The following MTREX variants were observed in gnomAD, a reference collection of about 807,000 sequenced individuals.
MTREX encodes exosome RNA helicase MTR4.
Under a neutral mutation model 135.4 loss-of-function variants are expected in MTREX, and 76 were observed. That is an observed-to-expected ratio of 0.56 (90% CI 0.47 to 0.68). The LOEUF (loss-of-function observed/expected upper bound fraction) is 0.68. Among genes scored for constraint, MTREX ranks in the 30% least tolerant of loss-of-function variants. MTREX has a pLI of 0.00. For synonymous variants in MTREX, 404 were observed against 401.6 expected (o/e 1.01, Z -0.07); for missense variants, 920 against 1,262.1 (o/e 0.73, Z 4.11).
Position 55,366,720 on chromosome 5 carries a change from C to A in MTREX, c.1660-5C>A. The A allele has an allele frequency of 6.4e-7, 1 of 1,557,394 alleles. No homozygotes were observed. Among genetic ancestry groups the A allele is most frequent in the Admixed American group, 2.0e-5 (1 of 50,644 alleles). On this transcript the variant is annotated splice_region_variant and splice_polypyrimidine_tract_variant and intron_variant, in intron 15 of 26. Coordinates refer to ENST00000230640, the MANE Select transcript of MTREX (RefSeq NM_015360.5). Reference sequence around the variant, plus strand: ...TACAAAATTGACATTTTTTTTCTCTCTTAGGGCTCCGCTGATCCTCTAAAT... The same window carrying A: ...TACAAAATTGACATTTTTTTTCTCTATTAGGGCTCCGCTGATCCTCTAAAT...
rs187264954 is a variant in MTREX, at chr5:55,341,026, C to G, written c.691-655C>G. 2.6e-5 allele frequency among the ~76,000 whole-genome samples: 4 copies of G among 152,234 alleles called. No homozygotes were observed. The East Asian group carries it at 7.7e-4, about 29-fold the overall frequency. On this transcript the variant is annotated intron_variant, in intron 6 of 26. Coordinates refer to ENST00000230640, the MANE Select transcript of MTREX (RefSeq NM_015360.5). ...ATTTTTGTACATACTTTAATTATAT[C>G]TTTGCATTTAACCCCAAGGATATGG...
At chr5:55,329,374 A>C (rs893416939) in intron 5 of MTREX, 1 of 151,950 alleles carries the variant, frequency 6.6e-6, no homozygotes, top group Non-Finnish European at 1.5e-5. Context: ...CAGAGTCTCA[A>C]ACTTAAATAG....
intron 3 of MTREX, among the ~76,000 whole-genome samples, chr5:55,324,910 C>T (rs770456459): frequency 1.3e-5 from 2 of 152,134 alleles, no homozygotes; most frequent in African/African-American, 4.8e-5. Flanking sequence ...AGCATTCATA[C>T]TCCTAAAGTT....
rs745895221 is a variant in MTREX at position 55,350,899 on chromosome 5, G to A, written c.1321-20G>A. Reference sequence around the variant, plus strand: ...CTTTTCTCACATCATTATAAAATCAGTGTTATTCCAAAATCACAGGTAGAA... The same window carrying A: ...CTTTTCTCACATCATTATAAAATCAATGTTATTCCAAAATCACAGGTAGAA... On this transcript the variant is annotated intron_variant, in intron 12 of 26. Coordinates refer to ENST00000230640, the MANE Select transcript of MTREX (RefSeq NM_015360.5). 3.9e-6 allele frequency: 6 copies of A among 1,541,276 alleles called. No individual in the cohort carries two copies. The highest frequency in any genetic ancestry group is 1.2e-5 in the South Asian group (1 of 82,290).
chr5:55,399,622 G>A (rs997475237), intron 20 of MTREX, among the ~76,000 whole-genome samples: 12 of 151,968 alleles, frequency 7.9e-5, no homozygotes, highest in Non-Finnish European at 2.9e-5. Context: ...CTAGTAGCTG[G>A]GACTACAGGC....
intron 19 of MTREX, among the ~76,000 whole-genome samples, chr5:55,391,187 T>A (rs966789297): frequency 1.3e-5 from 2 of 152,126 alleles, no homozygotes; most frequent in Non-Finnish European, 2.9e-5. Flanking sequence ...ATGCTTATAA[T>A]CCCAGCACTT....
chr5:55,385,070 T>C (rs1750455831), intron 18 of MTREX, among the ~76,000 whole-genome samples: 1 of 152,176 alleles, frequency 6.6e-6, no homozygotes, highest in South Asian at 2.1e-4. Flanking sequence ...ATCTGGTCCT[T>C]TGGGAAGATA....
chr5:55,389,587 T>C (rs1750532439), intron 19 of MTREX, among the ~76,000 whole-genome samples: 1 of 152,200 alleles, frequency 6.6e-6, no homozygotes, highest in African/African-American at 2.4e-5. Context: ...TCAAAACTGC[T>C]CAGGGTGGGT....
At chr5:55,423,049 G>A in intron 26 of MTREX, 67 bp downstream of exon 26, 1 of 1,194,312 alleles carries the variant, frequency 8.4e-7, no homozygotes, top group Non-Finnish European at 1.2e-6. Flanking sequence ...TTGAGCCCTG[G>A]ACCACAACCT....
Position 55,425,036 on chromosome 5 carries a change from C to T in MTREX, c.*264C>T, listed in dbSNP as rs1751134316. On this transcript the variant is annotated 3_prime_UTR_variant, in exon 27 of 27. Coordinates refer to ENST00000230640, the MANE Select transcript of MTREX (RefSeq NM_015360.5). ...AATGAGTTTAGAGCTATTAGATAAC[C>T]ACTGAGTTAAAGGTAACTATGTACA... 24 of 912,620 alleles carry T rather than the reference C, an allele frequency of 2.6e-5. No individual in the cohort carries two copies. In the South Asian group the frequency reaches 3.9e-4, roughly 15 times the overall value. The allele number at this position is 912,620 out of a possible 1,614,324, so 56.5% of individuals were successfully genotyped here. A position where few individuals can be genotyped will look rare whatever the true frequency, so the allele number is the denominator to read the frequency against.
chr5:55,394,716 C>A (rs802847), intron 19 of MTREX, among the ~76,000 whole-genome samples: 130,769 of 152,082 alleles, frequency 0.86, 56,609 homozygotes, highest in South Asian at 0.92. Context: ...CCTGAATTAG[C>A]CAGTTTGGAA....
intron 24 of MTREX, 86 bp downstream of exon 24, chr5:55,414,324 T>C (rs1750933605): frequency 3.7e-6 from 4 of 1,069,188 alleles, no homozygotes; most frequent in Non-Finnish European, 5.2e-6. Flanking sequence ...CTAATCATAG[T>C]AGTTTATCAT....
intron 1 of MTREX, among the ~76,000 whole-genome samples, chr5:55,313,555 A>G (rs919498937): frequency 2.6e-5 from 4 of 152,218 alleles, no homozygotes; most frequent in Non-Finnish European, 4.4e-5. Context: ...ATTGAATGCA[A>G]TTGTGGTTCT....
chr5:55,340,667 C>T (rs916818433), intron 6 of MTREX, among the ~76,000 whole-genome samples: 1 of 152,066 alleles, frequency 6.6e-6, no homozygotes, highest in African/African-American at 2.4e-5. Context: ...CTGCAAGCTC[C>T]GCCTCCTGGG....
chr5:55,318,947 A>G (rs1311434965), intron 1 of MTREX, among the ~76,000 whole-genome samples: 12 of 152,160 alleles, frequency 7.9e-5, no homozygotes, highest in Non-Finnish European at 1.3e-4. Flanking sequence ...GAGAAAATAT[A>G]TAAGAATGGC....
At chr5:55,337,032 C>G (rs1749565489) in intron 5 of MTREX, among the ~76,000 whole-genome samples, 1 of 152,168 alleles carries the variant, frequency 6.6e-6, no homozygotes, top group African/African-American at 2.4e-5. Flanking sequence ...GCCATTTAAG[C>G]CTAGGCATTT....
At chr5:55,395,502 A>G (rs572229566) in intron 19 of MTREX, among the ~76,000 whole-genome samples, 6 of 152,346 alleles carry the variant, frequency 3.9e-5, no homozygotes, top group Admixed American at 6.5e-5. Context: ...TCATCCGTGG[A>G]TGCTGAAACT....
At chr5:55,341,937 T>G (rs906265899) in intron 7 of MTREX, among the ~76,000 whole-genome samples, 166 bp downstream of exon 7, 1 of 151,940 alleles carries the variant, frequency 6.6e-6, no homozygotes, top group African/African-American at 2.4e-5. Flanking sequence ...AAACAGAGTT[T>G]CACTCTGTTG....
At chr5:55,366,119 T>C (rs1236026639) in intron 15 of MTREX, among the ~76,000 whole-genome samples, 2 of 152,208 alleles carry the variant, frequency 1.3e-5, no homozygotes, top group African/African-American at 4.8e-5. Flanking sequence ...CAGTATAACT[T>C]ATTTTACAAT....
Sources: gnomAD v4.1 joint callset for allele counts (sites outside exome capture counted in the v4.1 genomes callset) on GRCh38, gnomAD v4.1.1 for gene constraint, MANE v1.5 for transcripts, NCBI Gene and HGNC (gene_info 2026-07-23, HGNC 2026-07-21) for gene names.